Variants in KCNQ3 observed in about 807,000 individuals in gnomAD.
The protein encoded by KCNQ3 is potassium voltage-gated channel subfamily KQT member 3.
KCNQ3 carries 30 observed loss-of-function variants against 92.5 expected under a neutral mutation model. The ratio of observed to expected loss-of-function variants is 0.32; its 90% confidence interval spans 0.24 to 0.44. The LOEUF is 0.44. KCNQ3 is among the 20% of genes least tolerant of loss of function. The pLI is 1.00. For missense variants in KCNQ3, 913 were observed against 1,140.3 expected, an observed-to-expected ratio of 0.80 and a Z score of 2.87; for synonymous variants, 450 against 468.8, an observed-to-expected ratio of 0.96 and a Z score of 0.52.
intron 1 of KCNQ3, 97 bp downstream of exon 1, chr8:132,480,050 T>C: frequency 8.2e-7 from 1 of 1,220,640 alleles, no homozygotes; most frequent in Non-Finnish European, 1.2e-6. Flanking sequence ...AAAGCATCCA[T>C]GGGTCTTAAA....
chr8:132,180,835 T>TA (rs11404512), intron 3 of KCNQ3, among the ~76,000 whole-genome samples: 115,554 of 143,576 alleles, frequency 0.8, 46,730 homozygotes, highest in African/African-American at 0.89. Context: ...GAGAGAATGT[T>TA]AAAAAAAAAA....
chr8:132,145,047 C>A (rs1825411743), intron 9 of KCNQ3, among the ~76,000 whole-genome samples: 1 of 152,184 alleles, frequency 6.6e-6, no homozygotes, highest in African/African-American at 2.4e-5. Flanking sequence ...ATTTGGTCGT[C>A]ACAACTACTG....
Position 132,349,588 on chromosome 8 carries a change from C to T in KCNQ3, c.386+130559G>A, listed in dbSNP as rs143665701. Among the ~76,000 whole-genome samples the T allele has an allele frequency of 1.1e-3, 165 of 152,280 alleles. 3 individuals carry two copies. Among genetic ancestry groups the T allele is most frequent in the East Asian group, 3.9e-4 (2 of 5,178 alleles). ...CAAGAAGGGGCTTGGGATATGCATA[C>T]GCATTTGGGTTTCCCCTCTTACACC... On this transcript the variant is annotated intron_variant, in intron 1 of 14. Transcript: ENST00000388996.
rs962965248 is a variant in KCNQ3, at chr8:132,359,801, C to T, written c.386+120346G>A. Among the ~76,000 whole-genome samples the T allele has an allele frequency of 5.3e-4, 81 of 152,204 alleles. 1 individual carries two copies. The highest frequency in any genetic ancestry group is 1.7e-3 in the African/African-American group (70 of 41,456). Reference sequence around the variant, plus strand: ...GGCACACCCAGGTCAAGGCACTTGCCTGGCAGGTGAATAAGATCCCTTTCC... The same window carrying T: ...GGCACACCCAGGTCAAGGCACTTGCTTGGCAGGTGAATAAGATCCCTTTCC... On this transcript the variant is annotated intron_variant, in intron 1 of 14. Transcript: ENST00000388996.
chr8:132,221,442 A>T (rs1022931288), intron 1 of KCNQ3, among the ~76,000 whole-genome samples: 1 of 152,200 alleles, frequency 6.6e-6, no homozygotes, highest in Non-Finnish European at 1.5e-5. Flanking sequence ...ACAGTGTAAA[A>T]GTGTTCCTAT....
At chr8:132,199,874 C>T (rs1827407221) in intron 1 of KCNQ3, among the ~76,000 whole-genome samples, 2 of 148,842 alleles carry the variant, frequency 1.3e-5, no homozygotes, top group African/African-American at 2.5e-5. Context: ...CGTGCCACTG[C>T]ACTCCAGCCT....
intron 1 of KCNQ3, among the ~76,000 whole-genome samples, chr8:132,288,462 A>C (rs1208929840): frequency 6.6e-6 from 1 of 152,150 alleles, no homozygotes; most frequent in Non-Finnish European, 1.5e-5. Flanking sequence ...CTTTTGGACT[A>C]CCTGTTCTTC....
At chr8:132,301,070 A>G (rs963749033) in intron 1 of KCNQ3, among the ~76,000 whole-genome samples, 3 of 152,066 alleles carry the variant, frequency 2.0e-5, no homozygotes, top group Admixed American at 6.5e-5. Context: ...TCCCAAGCCC[A>G]TCACCCACTC....
intron 8 of KCNQ3, among the ~76,000 whole-genome samples, chr8:132,165,635 CTTA>C (rs540090043): frequency 1.3e-5 from 2 of 152,190 alleles, no homozygotes; most frequent in Non-Finnish European, 2.9e-5. Context: ...AAAAATGGGT[CTTA>C]TTATCCAAAC....
At chr8:132,291,123 G>T (rs75964532) in intron 1 of KCNQ3, among the ~76,000 whole-genome samples, 8,019 of 152,252 alleles carry the variant, frequency 0.053, 276 homozygotes, top group Middle Eastern at 0.099. Flanking sequence ...CCAGACTAGG[G>T]TGGGAGGAAA....
intron 1 of KCNQ3, among the ~76,000 whole-genome samples, chr8:132,294,025 G>C (rs886850571): frequency 3.2e-5 from 4 of 125,738 alleles, no homozygotes; most frequent in African/African-American, 1.1e-4. Flanking sequence ...TTTTGAGACG[G>C]AGTCTCGCTT....
Position 132,380,931 on chromosome 8 carries a change from G to GAAAAAAAAAAAAAAAAAAAACA in KCNQ3, c.386+99194_386+99215dup, listed in dbSNP as rs1819732959. ...TTCTACAGAAAAAGAAATGAAAGCA[G>GAAAAAAAAAAAAAAAAAAAACA]AAAAAAAAAAAAAAAAAAAACAACC... On this transcript the variant is annotated intron_variant, in intron 1 of 14. Transcript: ENST00000388996. Among the ~76,000 whole-genome samples, 2 of 87,468 alleles carry GAAAAAAAAAAAAAAAAAAAACA rather than the reference G, an allele frequency of 2.3e-5. 1 individual carries two copies. 57.4% of individuals were successfully genotyped at this position (87,468 alleles called of 152,430 possible).
In KCNQ3 at chr8:132,138,024, G is replaced by T; in HGVS notation, c.1569-8C>A. 1 of 1,606,936 alleles carries T rather than the reference G, an allele frequency of 6.2e-7. No individual in the cohort carries two copies. The highest frequency in any genetic ancestry group is 8.5e-7 in the Non-Finnish European group (1 of 1,179,760). On this transcript the variant is annotated splice_polypyrimidine_tract_variant and splice_region_variant and intron_variant, in intron 11 of 14. Coordinates refer to ENST00000388996, the MANE Select transcript of KCNQ3 (RefSeq NM_004519.4). ...AGACGGAATTGTAGAATTCTGCAAG[G>T]CAAAGTAGAGGCATTTGTGCATCCC...
At chr8:132,425,938 T>G (rs562753921) in intron 1 of KCNQ3, among the ~76,000 whole-genome samples, 1 of 152,372 alleles carries the variant, frequency 6.6e-6, no homozygotes, top group South Asian at 2.1e-4. Flanking sequence ...TCCCAACCAC[T>G]ACAACATGAC....
intron 1 of KCNQ3, among the ~76,000 whole-genome samples, chr8:132,264,950 C>T (rs1815932558): frequency 6.6e-6 from 1 of 152,106 alleles, no homozygotes; most frequent in South Asian, 2.1e-4. Flanking sequence ...AAAAAGCAGG[C>T]ATAGTAGAAA....
At chr8:132,198,834 T>A (rs920113411) in intron 1 of KCNQ3, among the ~76,000 whole-genome samples, 3 of 151,898 alleles carry the variant, frequency 2.0e-5, no homozygotes, top group African/African-American at 7.3e-5. Flanking sequence ...AAAACAGGAG[T>A]AACGAATTAA....
At chr8:132,352,933 G>A (rs1818915929) in intron 1 of KCNQ3, among the ~76,000 whole-genome samples, 1 of 152,168 alleles carries the variant, frequency 6.6e-6, no homozygotes, top group Non-Finnish European at 1.5e-5. Flanking sequence ...ATTCATGGAA[G>A]GGATGGCATG....
intron 1 of KCNQ3, among the ~76,000 whole-genome samples, chr8:132,317,840 GA>G (rs1296817849): frequency 1.3e-5 from 2 of 152,202 alleles, no homozygotes. Context: ...CAGAGAGAGT[GA>G]TATCTGCAAT....
chr8:132,316,901 A>G (rs1382152040), intron 1 of KCNQ3, among the ~76,000 whole-genome samples: 1 of 151,694 alleles, frequency 6.6e-6, no homozygotes, highest in Non-Finnish European at 1.5e-5. Flanking sequence ...GCTTTTTCTC[A>G]TGTCGTTGGT....
Sources: allele counts gnomAD v4.1 joint callset (sites outside exome capture counted in the v4.1 genomes callset), GRCh38; gene constraint gnomAD v4.1.1; transcripts MANE v1.5; gene names NCBI Gene and HGNC (gene_info 2026-07-23, HGNC 2026-07-21).